MRAS: variants seen among roughly 807,000 people sequenced by gnomAD.
MRAS encodes muscle RAS oncogene homolog.
A neutral mutation model predicts 20.9 loss-of-function variants in MRAS; 4 were observed. That is an observed-to-expected ratio of 0.19 (90% CI 0.09 to 0.44). MRAS has a LOEUF of 0.44. Among genes scored for constraint, MRAS ranks in the 20% least tolerant of loss-of-function variants. MRAS has a pLI of 0.99. For missense variants in MRAS, 154 were observed against 277.5 expected (o/e 0.56, Z 3.16); for synonymous variants, 98 against 102.9 (o/e 0.95, Z 0.29).
intron 2 of MRAS, among the ~76,000 whole-genome samples, chr3:138,385,594 C>A (rs1019474855): frequency 6.6e-6 from 1 of 152,100 alleles, no homozygotes; most frequent in African/African-American, 2.4e-5. Flanking sequence ...TGGCTCACTG[C>A]AACCTCTGCT....
At chr3:138,360,179 C>T (rs965221468) in intron 1 of MRAS, among the ~76,000 whole-genome samples, 1 of 152,172 alleles carries the variant, frequency 6.6e-6, no homozygotes. Flanking sequence ...CCGTTTTGTT[C>T]TTGATTCCCT....
At chr3:138,360,772 G>A (rs2054430660) in intron 1 of MRAS, among the ~76,000 whole-genome samples, 1 of 152,214 alleles carries the variant, frequency 6.6e-6, no homozygotes, top group African/African-American at 2.4e-5. Context: ...CAGCAGACAC[G>A]TTGGAGCGTC....
At chr3:138,363,284 A>G (rs1428573902) in intron 1 of MRAS, among the ~76,000 whole-genome samples, 2 of 151,914 alleles carry the variant, frequency 1.3e-5, no homozygotes, top group East Asian at 3.9e-4. Flanking sequence ...GCTGGTCTCG[A>G]ACACCTGACC....
intron 4 of MRAS, 22 bp downstream of exon 4, chr3:138,398,590 G>C (rs1398234162): frequency 6.2e-7 from 1 of 1,607,284 alleles, no homozygotes; most frequent in African/African-American, 1.3e-5. Flanking sequence ...CGTGTGTGTA[G>C]AGGGGGTCAG....
At chr3:138,378,583 C>G (rs2054833708) in intron 2 of MRAS, among the ~76,000 whole-genome samples, 1 of 152,234 alleles carries the variant, frequency 6.6e-6, no homozygotes, top group South Asian at 2.1e-4. Flanking sequence ...CCCTCTCCTC[C>G]TGTCTCTGAC....
At chr3:138,364,146 G>A (rs924897977) in intron 1 of MRAS, among the ~76,000 whole-genome samples, 4 of 152,060 alleles carry the variant, frequency 2.6e-5, no homozygotes, top group East Asian at 1.9e-4. Flanking sequence ...AGGCATAGTC[G>A]GGGAGCTGAG....
intron 2 of MRAS, among the ~76,000 whole-genome samples, chr3:138,381,019 C>T (rs1402867140): frequency 1.3e-5 from 2 of 152,052 alleles, no homozygotes; most frequent in African/African-American, 4.8e-5. Flanking sequence ...GTGATCCACC[C>T]GCCTCGGCCT....
At chr3:138,348,405 A>C (rs1268475285), upstream of MRAS, 1 of 152,046 alleles carries the variant, frequency 6.6e-6, no homozygotes, top group Non-Finnish European at 1.5e-5. Context: ...GGCCCAGGGG[A>C]CTCGGCGCGG....
intron 1 of MRAS, among the ~76,000 whole-genome samples, chr3:138,367,926 CAT>C (rs527348366): frequency 5.7e-4 from 87 of 152,346 alleles, no homozygotes; most frequent in Admixed American, 1.6e-3. Context: ...TTTTTGTACA[CAT>C]GTTATTAAAA....
intron 1 of MRAS, among the ~76,000 whole-genome samples, chr3:138,359,259 C>T (rs946894184): frequency 5.9e-5 from 9 of 152,132 alleles, no homozygotes; most frequent in Non-Finnish European, 1.0e-4. Flanking sequence ...CCTGAGAAGC[C>T]GTCACACCCA....
chr3:138,401,653 C>G lies in MRAS; in HGVS notation c.528-517C>G, dbSNP rs989266450. Among the ~76,000 whole-genome samples, 47 of 152,134 alleles carry G rather than the reference C, an allele frequency of 3.1e-4. 1 individual carries two copies. The highest frequency in any genetic ancestry group is 4.4e-5 in the Non-Finnish European group (3 of 68,034). On this transcript the variant is annotated intron_variant, in intron 5 of 5. Transcript: ENST00000423968. ...AAAAGAAAGAAAGAAACTATTTGCT[C>G]TTGGGCATTTTGCCTCCAATTAGGA...
At chr3:138,360,750 T>C (rs1447691536) in intron 1 of MRAS, among the ~76,000 whole-genome samples, 1 of 152,176 alleles carries the variant, frequency 6.6e-6, no homozygotes, top group Non-Finnish European at 1.5e-5. Flanking sequence ...CTCCTGCATT[T>C]GGAAATGCAG....
At chr3:138,352,262 T>C (rs1334401707) in intron 1 of MRAS, among the ~76,000 whole-genome samples, 1 of 152,190 alleles carries the variant, frequency 6.6e-6, no homozygotes, top group African/African-American at 2.4e-5. Flanking sequence ...GCATTCCCGC[T>C]ACCTGTGTGA....
intron 2 of MRAS, among the ~76,000 whole-genome samples, chr3:138,396,879 A>G: frequency 6.6e-6 from 1 of 152,106 alleles, no homozygotes; most frequent in East Asian, 1.9e-4. Flanking sequence ...AGGTAGAGGC[A>G]CGGTTTTCAT....
intron 1 of MRAS, among the ~76,000 whole-genome samples, chr3:138,360,452 G>A (rs2054422862): frequency 6.6e-6 from 1 of 152,234 alleles, no homozygotes; most frequent in African/African-American, 2.4e-5. Context: ...TGGGGGCTGG[G>A]TGTGGCATCC....
chr3:138,378,199 C>A (rs1408299820), intron 2 of MRAS, among the ~76,000 whole-genome samples: 1 of 152,248 alleles, frequency 6.6e-6, no homozygotes, highest in African/African-American at 2.4e-5. Flanking sequence ...ATCTCAGTCT[C>A]ACGTCAGAGA....
chr3:138,360,372 G>GT (rs2054421408), intron 1 of MRAS, among the ~76,000 whole-genome samples: 1 of 152,208 alleles, frequency 6.6e-6, no homozygotes, highest in Non-Finnish European at 1.5e-5. Context: ...GCGGAACACC[G>GT]TGATTCCATG....
At chr3:138,402,044 C>A (rs1441927734) in intron 5 of MRAS, 126 bp from the exon 6 acceptor site, 2 of 837,638 alleles carry the variant, frequency 2.4e-6, no homozygotes, top group African/African-American at 3.4e-5. Flanking sequence ...ATCCCCATCC[C>A]CCTCACCCAC....
At chr3:138,355,460 A>G (rs1324877651) in intron 1 of MRAS, among the ~76,000 whole-genome samples, 2 of 152,238 alleles carry the variant, frequency 1.3e-5, no homozygotes, top group East Asian at 3.8e-4. Context: ...AGAAAGATTC[A>G]AAAACTTCTG....
Sources: gnomAD v4.1 joint callset for allele counts (sites outside exome capture counted in the v4.1 genomes callset) on GRCh38, gnomAD v4.1.1 for gene constraint, MANE v1.5 for transcripts, NCBI Gene and HGNC (gene_info 2026-07-23, HGNC 2026-07-21) for gene names.